Variants in MYOM1 observed in about 807,000 individuals in gnomAD.
The protein encoded by MYOM1 is myomesin 1.
MYOM1 carries 164 observed loss-of-function variants against 205.3 expected under a neutral mutation model. That is an observed-to-expected ratio of 0.80 (90% CI 0.70 to 0.91). The LOEUF is 0.91. MYOM1 is among the 40% of genes least tolerant of loss of function. The pLI, the probability that MYOM1 is intolerant of heterozygous loss-of-function variation, is 0.00. For missense variants in MYOM1, 2,011 were observed against 2,127.3 expected (o/e 0.95, Z 1.08); for synonymous variants, 772 against 789.4 (o/e 0.98, Z 0.37).
intron 3 of MYOM1, among the ~76,000 whole-genome samples, chr18:3,192,135 A>C (rs1283114911): frequency 1.3e-5 from 2 of 152,134 alleles, no homozygotes; most frequent in East Asian, 3.9e-4. Context: ...TGCCAGGTGG[A>C]GTCATGTCAC....
At chr18:3,125,377 T>C (rs2079763998) in intron 19 of MYOM1, among the ~76,000 whole-genome samples, 1 of 152,192 alleles carries the variant, frequency 6.6e-6, no homozygotes, top group Non-Finnish European at 1.5e-5. Flanking sequence ...TATTGTGATA[T>C]GACCACATAA....
chr18:3,093,735 A>G (rs1465523727), intron 26 of MYOM1: 1 of 152,942 alleles, frequency 6.5e-6, no homozygotes, highest in Non-Finnish European at 1.5e-5. Flanking sequence ...TTAACCAGAA[A>G]AGCAATGAAA....
At position 3,188,975 on chromosome 18, in the gene MYOM1, T is replaced by C. The variant is rs1567958675; in HGVS notation, c.544A>G (p.Lys182Glu). Reference protein sequence around the residue: ...LASEEGITTSKQSTASKQTTA... With the variant: ...LASEEGITTSEQSTASKQTTA... ...GTCTGCTTGGATGCCGTGGACTGTT[T>C]AGATGTTGTGATTCCTTCCTCACTA... The change falls in exon 4 of 38, where the codon AAA becomes GAA. Residue 182 changes from lysine to glutamate, a missense_variant. Coordinates refer to ENST00000356443, the MANE Select transcript of MYOM1 (RefSeq NM_003803.4). 3.1e-6 allele frequency: 5 copies of C among 1,613,394 alleles called. No individual in the cohort carries two copies. The highest frequency in any genetic ancestry group is 1.1e-5 in the South Asian group (1 of 91,056).
At chr18:3,108,334 A>G (rs771641253) in intron 22 of MYOM1, among the ~76,000 whole-genome samples, 2 of 152,182 alleles carry the variant, frequency 1.3e-5, no homozygotes, top group Non-Finnish European at 2.9e-5. Flanking sequence ...TGGGTTTCCT[A>G]CTTAATTTTA....
At chr18:3,126,943 G>T in intron 18 of MYOM1, 46 bp from the exon 19 acceptor site, 1 of 1,513,868 alleles carries the variant, frequency 6.6e-7, no homozygotes, top group South Asian at 1.2e-5. Flanking sequence ...ATGCATTTAT[G>T]ATTCTATATA....
At chr18:3,084,627 GA>G (rs1294525012) in intron 31 of MYOM1, among the ~76,000 whole-genome samples, 1 of 152,160 alleles carries the variant, frequency 6.6e-6, no homozygotes, top group Non-Finnish European at 1.5e-5. Context: ...AGTAGTCTCT[GA>G]AAAATGGAAT....
chr18:3,137,245 G>A (rs971182356), intron 14 of MYOM1, among the ~76,000 whole-genome samples: 11 of 152,066 alleles, frequency 7.2e-5, no homozygotes, highest in Admixed American at 3.9e-4. Context: ...CACCATGCCC[G>A]GCCCAGTGTT....
chr18:3,129,315 T>A lies in MYOM1; in HGVS notation c.2711A>T (p.Gln904Leu). 2 of 1,614,044 alleles carry A rather than the reference T, an allele frequency of 1.2e-6. No individual in the cohort carries two copies. Among genetic ancestry groups the A allele is most frequent in the Non-Finnish European group, 1.7e-6 (2 of 1,179,888 alleles). Residue 904 changes from glutamine (Q) to leucine (L), a missense_variant, in exon 18 of 38, where the codon CAG becomes CTG. Gln to Leu is a moderately radical substitution (Grantham distance 113, BLOSUM62 -2). Transcript: ENST00000356443. ...TEVSKVSETV[Q>L]EELTPPPQKA... The stretch of plus-strand genomic sequence containing the variant: ...CTGTGGTGGCGGGGTAAGCTCTTCC[T>A]GAACTGTTTCACTTACTTTACTCAC...
Position 3,116,419 on chromosome 18 carries a change from C to T in MYOM1, c.3215G>A (p.Gly1072Asp). ...GGCCTCCTTCAAGTCCACGAAGTAA[C>T]CAGTGACCGGAGTCCGCCCGGAGTG... The part of the protein sequence containing the change: ...PVHSGRTPVT[G>D]YFVDLKEAKA... The change falls in exon 21 of 38, where the codon GGT (glycine) becomes GAT (aspartate). Residue 1072 changes from glycine to aspartate, a missense_variant. Transcript: ENST00000356443. 1.2e-6 allele frequency: 2 copies of T among 1,613,796 alleles called. No homozygotes were observed. The highest frequency in any genetic ancestry group is 2.2e-5 in the South Asian group (2 of 91,026).
Position 3,124,707 on chromosome 18 carries a change from T to C in MYOM1, c.2991+1994A>G, listed in dbSNP as rs572393443. Among the ~76,000 whole-genome samples, 4 of 152,124 alleles carry C rather than the reference T, an allele frequency of 2.6e-5. 1 individual carries two copies. The South Asian group carries it at 8.3e-4, about 32-fold the overall frequency. On this transcript the variant is annotated intron_variant, in intron 19 of 37. Coordinates refer to ENST00000356443, the MANE Select transcript of MYOM1 (RefSeq NM_003803.4). ...TAATTTTGATGCTTAACTCACAGCA[T>C]ATAAAAATATAAAGGTGAATTAATG...
chr18:3,164,434 G>A lies in MYOM1; in HGVS notation c.1345C>T (p.Pro449Ser). 6.3e-7 allele frequency: 1 copy of A among 1,591,820 alleles called. No homozygotes were observed. The highest frequency in any genetic ancestry group is 1.4e-5 in the African/African-American group (1 of 73,922). ...PEIQWYRNGV[P>S]LSPSKWVQTL... is the part of the protein sequence containing the mutation. ...TGCACCCATTTTGATGGAGAAAGAGGTACTCCTAGAAATATTTTAAAAGTA... is the reference window on the plus strand; with the variant it reads ...TGCACCCATTTTGATGGAGAAAGAGATACTCCTAGAAATATTTTAAAAGTA... The change falls in exon 10 of 38, where the codon CCT (proline) becomes TCT (serine). Residue 449 changes from proline (P) to serine (S), a missense_variant. Transcript: ENST00000356443.
At chr18:3,155,429 T>G (rs532784074) in intron 10 of MYOM1, among the ~76,000 whole-genome samples, 141 of 152,326 alleles carry the variant, frequency 9.3e-4, no homozygotes, top group African/African-American at 3.2e-3. Context: ...TTTCACCGTG[T>G]TAGCCAGGAT....
In MYOM1 at chr18:3,215,007, C is replaced by T; in HGVS notation, c.217G>A (p.Ala73Thr). The stretch of plus-strand genomic sequence containing the variant: ...TCAGAGCTCAGGGCGTGCTGCGAGG[C>T]CTGCTGCTGGGAGGAGGAGGCGGAC... ...RASASSSQQQ[A>T]SQHALSSEVS... The change falls in exon 2 of 38, where the codon GCC (alanine) becomes ACC (threonine). Residue 73 changes from alanine to threonine, a missense_variant. By Grantham distance (58) the Ala-to-Thr change is moderately conservative. Transcript: ENST00000356443. The T allele has an allele frequency of 6.2e-7, 1 of 1,612,092 alleles. No homozygotes were observed. The highest frequency in any genetic ancestry group is 8.5e-7 in the Non-Finnish European group (1 of 1,179,006).
intron 22 of MYOM1, among the ~76,000 whole-genome samples, 152 bp downstream of exon 22, chr18:3,112,146 G>C (rs985773055): frequency 6.6e-6 from 1 of 152,198 alleles, no homozygotes; most frequent in Non-Finnish European, 1.5e-5. Flanking sequence ...TGGGACCAAT[G>C]ACTGTCATGT....
At position 3,164,278 on chromosome 18, in the gene MYOM1, C is replaced by T. The variant is rs755826763; in HGVS notation, c.1501G>A (p.Asp501Asn). The T allele has an allele frequency of 1.3e-5, 21 of 1,612,006 alleles. No homozygotes were observed. In the East Asian group the frequency reaches 2.9e-4, roughly 22 times the overall value. The stretch of plus-strand genomic sequence containing the variant: ...TGTTTTGTTTTTTGCTAGGACTTAC[C>T]TCGAACAAAGACATAAGCACTATAT... ...EQYSAYVFVR[D>N]ADAEIEGAPA... The change falls in exon 10 of 38, where the codon GAT becomes AAT. Residue 501 changes from aspartate to asparagine, a missense_variant and splice_region_variant. By Grantham distance (23) the Asp-to-Asn change is conservative. Transcript: ENST00000356443.
chr18:3,227,768 A>G, the MYOM1 span, among the ~76,000 whole-genome samples: 1 of 152,120 alleles, frequency 6.6e-6, no homozygotes, highest in Non-Finnish European at 1.5e-5. Flanking sequence ...GCAGTGAGCC[A>G]TCGAGCCACT....
At chr18:3,117,261 T>TAA (rs2079619721) in intron 20 of MYOM1, among the ~76,000 whole-genome samples, 1 of 152,202 alleles carries the variant, frequency 6.6e-6, no homozygotes, top group Non-Finnish European at 1.5e-5. Context: ...TAGAGAGTAA[T>TAA]AGCTCTTTCA....
At chr18:3,148,391 A>G (rs1173776278) in intron 13 of MYOM1, among the ~76,000 whole-genome samples, 1 of 152,234 alleles carries the variant, frequency 6.6e-6, no homozygotes, top group Non-Finnish European at 1.5e-5. Flanking sequence ...AAAGAAAAAC[A>G]GACAAAAATG....
chr18:3,067,400 G>C lies in MYOM1; in HGVS notation c.4920C>G (p.Asp1640Glu), dbSNP rs1382050461. 2.5e-6 allele frequency: 4 copies of C among 1,613,480 alleles called. No individual in the cohort carries two copies. The South Asian group carries it at 3.3e-5, about 13-fold the overall frequency. ...TCACAACCAGCCCGTATTTGCCCGA[G>C]TCAGCGGTGCTCACGCCGTTGATGG... ...YFTINGVSTA[D>E]SGKYGLVVKN... The change falls in exon 38 of 38, where the codon GAC (aspartate) becomes GAG (glutamate). Residue 1640 changes from aspartate to glutamate, a missense_variant. Physicochemically the swap from Asp to Glu is conservative, Grantham distance 45. Coordinates refer to ENST00000356443, the MANE Select transcript of MYOM1 (RefSeq NM_003803.4).
Sources: allele counts gnomAD v4.1 joint callset (sites outside exome capture counted in the v4.1 genomes callset), GRCh38; gene constraint gnomAD v4.1.1; transcripts MANE v1.5; gene names NCBI Gene and HGNC (gene_info 2026-07-23, HGNC 2026-07-21).